Variants in PRIM2 observed in about 807,000 individuals in gnomAD.
The protein encoded by PRIM2 is DNA primase large subunit.
PRIM2 carries 39 observed loss-of-function variants against 67.3 expected under a neutral mutation model. That is an observed-to-expected ratio of 0.58 (90% CI 0.45 to 0.76). PRIM2 has a LOEUF of 0.76. Ranked by LOEUF, PRIM2 falls within the 30% of genes least tolerant of loss-of-function variation. PRIM2 has a pLI of 0.00. For synonymous variants in PRIM2, 143 were observed against 198.7 expected (o/e 0.72, Z 2.36); for missense variants, 398 against 598.7 (o/e 0.66, Z 3.50).
chr6:57,258,312 A>T, the PRIM2 span, among the ~76,000 whole-genome samples: 1 of 152,080 alleles, frequency 6.6e-6, no homozygotes, highest in Non-Finnish European at 1.5e-5. Context: ...TTTCTCTTCT[A>T]AGATGTGGGA....
the PRIM2 span, among the ~76,000 whole-genome samples, chr6:57,231,736 C>T: frequency 9.9e-5 from 15 of 152,048 alleles, no homozygotes; most frequent in East Asian, 2.7e-3. Flanking sequence ...TTTTAGAGAG[C>T]AATTTGGCAA....
chr6:57,548,631 T>C (rs1159194428), intron 10 of PRIM2, among the ~76,000 whole-genome samples: 4 of 152,222 alleles, frequency 2.6e-5, no homozygotes, highest in Non-Finnish European at 5.9e-5. Flanking sequence ...TACCCAGCAC[T>C]TGAGATGGTA....
At chr6:57,342,521 C>T (rs1386743384) in intron 5 of PRIM2, among the ~76,000 whole-genome samples, 4 of 152,202 alleles carry the variant, frequency 2.6e-5, no homozygotes, top group African/African-American at 9.7e-5. Context: ...TAGAGTCTGA[C>T]AGCAGCTTCT....
At chr6:57,626,641 T>A (rs1480976330) in intron 12 of PRIM2, among the ~76,000 whole-genome samples, 6 of 150,888 alleles carry the variant, frequency 4.0e-5, no homozygotes, top group Admixed American at 6.6e-5. Flanking sequence ...TTTTTTTTTT[T>A]AAAGACAGGG....
intron 7 of PRIM2, chr6:57,382,514 C>G (rs1284757413): frequency 1.8e-5 from 3 of 169,540 alleles, no homozygotes; most frequent in Non-Finnish European, 2.5e-5. Flanking sequence ...GTAGATATAA[C>G]TCCTAGATTT....
At chr6:57,612,240 A>G (rs2127494536) in intron 12 of PRIM2, among the ~76,000 whole-genome samples, 1 of 152,284 alleles carries the variant, frequency 6.6e-6, no homozygotes, top group South Asian at 2.1e-4. Flanking sequence ...ACTAATATTT[A>G]TAGAATTGAA....
rs1773287041 is a variant in PRIM2 at position 57,469,527 on chromosome 6, G to A, written c.694-37860G>A. On this transcript the variant is annotated intron_variant, in intron 7 of 13. Coordinates refer to ENST00000615550, the MANE Select transcript of PRIM2 (RefSeq NM_000947.5). ...TCTTACGATGTGAATTCTCTAATCA[G>A]AGCATACAGATCAGTCAAATATATG... is the stretch of plus-strand genomic sequence containing the variant. 2.0e-5 allele frequency among the ~76,000 whole-genome samples: 3 copies of A among 152,262 alleles called. No individual in the cohort carries two copies. The South Asian group carries it at 6.2e-4, about 32-fold the overall frequency.
At chr6:57,461,410 C>A (rs1243096614) in intron 7 of PRIM2, among the ~76,000 whole-genome samples, 1 of 152,200 alleles carries the variant, frequency 6.6e-6, no homozygotes, top group African/African-American at 2.4e-5. Flanking sequence ...ATCATCCTCG[C>A]TCTGACAAGT....
chr6:57,386,417 C>CAAAAAAAAA (rs71299586), intron 7 of PRIM2, among the ~76,000 whole-genome samples: 1 of 53,954 alleles, frequency 1.9e-5, no homozygotes, highest in African/African-American at 4.9e-5. Flanking sequence ...TACCCTGTCT[C>CAAAAAAAAA]AAAAAAAAAA....
chr6:57,625,677 A>T (rs1323565302), intron 12 of PRIM2, among the ~76,000 whole-genome samples: 4 of 152,372 alleles, frequency 2.6e-5, no homozygotes, highest in Middle Eastern at 6.8e-3. Context: ...AAGGCTTCAA[A>T]AATGGAGAGA....
intron 13 of PRIM2, among the ~76,000 whole-genome samples, chr6:57,635,010 T>C (rs1777095320): frequency 2.6e-5 from 4 of 152,244 alleles, no homozygotes; most frequent in Admixed American, 2.6e-4. Context: ...CTATTTTTAC[T>C]GTCAGGTTTC....
the PRIM2 span, among the ~76,000 whole-genome samples, chr6:57,256,041 A>G: frequency 5.4e-5 from 8 of 148,954 alleles, no homozygotes; most frequent in Non-Finnish European, 4.5e-5. Flanking sequence ...ACACACACAC[A>G]CACACACATT....
At chr6:57,423,536 C>T (rs964002337) in intron 7 of PRIM2, among the ~76,000 whole-genome samples, 1 of 152,116 alleles carries the variant, frequency 6.6e-6, no homozygotes, top group African/African-American at 2.4e-5. Flanking sequence ...TGAGCTGTGG[C>T]AAAGTCAGGA....
intron 2 of PRIM2, among the ~76,000 whole-genome samples, chr6:57,320,018 C>G (rs1051982081): frequency 1.3e-5 from 2 of 152,214 alleles, no homozygotes; most frequent in African/African-American, 4.8e-5. Flanking sequence ...TTCTTCTTCA[C>G]TGTTGTGCTC....
At chr6:57,343,730 TTAA>T (rs1422392456) in intron 5 of PRIM2, among the ~76,000 whole-genome samples, 1 of 152,154 alleles carries the variant, frequency 6.6e-6, no homozygotes, top group Non-Finnish European at 1.5e-5. Flanking sequence ...AGGAACGGGA[TTAA>T]TAATCAGATG....
At chr6:57,367,594 A>C (rs73748691) in intron 5 of PRIM2, among the ~76,000 whole-genome samples, 2 of 152,220 alleles carry the variant, frequency 1.3e-5, no homozygotes, top group African/African-American at 4.8e-5. Context: ...GGGATTCAGA[A>C]TGGGCTTACA....
At chr6:57,248,172 A>G in the PRIM2 span, among the ~76,000 whole-genome samples, 4 of 152,206 alleles carry the variant, frequency 2.6e-5, no homozygotes, top group East Asian at 7.7e-4. Flanking sequence ...TGGTCAAGGA[A>G]GAAGAGTACC....
At chr6:57,583,130 T>C (rs1201658190) in intron 10 of PRIM2, among the ~76,000 whole-genome samples, 120 of 151,274 alleles carry the variant, frequency 7.9e-4, no homozygotes, top group African/African-American at 2.7e-3. Flanking sequence ...TCATTTTTTA[T>C]GGCTGCATAG....
At chr6:57,365,225 A>G (rs1396551237) in intron 5 of PRIM2, among the ~76,000 whole-genome samples, 1 of 149,630 alleles carries the variant, frequency 6.7e-6, no homozygotes, top group African/African-American at 2.5e-5. Context: ...CTGTCAGGAA[A>G]GATGATTTTT....
Sources: gnomAD v4.1 joint callset for allele counts (sites outside exome capture counted in the v4.1 genomes callset) on GRCh38, gnomAD v4.1.1 for gene constraint, MANE v1.5 for transcripts, NCBI Gene and HGNC (gene_info 2026-07-23, HGNC 2026-07-21) for gene names.